ADGRV1: variants seen among roughly 807,000 people sequenced by gnomAD.
ADGRV1 encodes the protein adhesion G protein-coupled receptor V1.
ADGRV1 carries 359 observed loss-of-function variants against 596.2 expected under a neutral mutation model. The ratio of observed to expected loss-of-function variants is 0.60; its 90% CI spans 0.55 to 0.66. ADGRV1 has a LOEUF of 0.66. Among genes scored for constraint, ADGRV1 ranks in the 30% least tolerant of loss-of-function variants. The pLI is 0.00. For missense variants in ADGRV1, 7,274 were observed against 7,575.6 expected, an observed-to-expected ratio of 0.96 and a Z score of 1.48; for synonymous variants, 2,681 against 2,679.2, an observed-to-expected ratio of 1.00 and a Z score of -0.02.
chr5:90,868,090 G>T (rs1021272179), intron 83 of ADGRV1, among the ~76,000 whole-genome samples: 11 of 152,192 alleles, frequency 7.2e-5, no homozygotes, highest in Admixed American at 5.9e-4. Flanking sequence ...TTAAAATTCA[G>T]GTAGTGCATC....
chr5:91,152,735 T>C (rs1262689698), intron 88 of ADGRV1, among the ~76,000 whole-genome samples: 2 of 152,178 alleles, frequency 1.3e-5, no homozygotes, highest in African/African-American at 4.8e-5. Context: ...GGCATGATCA[T>C]AGCCCACTGC....
chr5:91,011,054 T>C (rs1782680562), intron 85 of ADGRV1, among the ~76,000 whole-genome samples: 1 of 151,960 alleles, frequency 6.6e-6, no homozygotes, highest in South Asian at 2.1e-4. Context: ...GTCAATCTAC[T>C]AGCAGTAGTT....
chr5:90,833,194 C>A (rs537047532), intron 77 of ADGRV1, among the ~76,000 whole-genome samples: 392 of 152,224 alleles, frequency 2.6e-3, no homozygotes, highest in African/African-American at 9.0e-3. Context: ...GTAGTATGAA[C>A]ATGTTAACAA....
intron 25 of ADGRV1, among the ~76,000 whole-genome samples, chr5:90,678,057 A>G (rs148997188): frequency 2.6e-3 from 395 of 152,332 alleles, no homozygotes; most frequent in African/African-American, 9.0e-3. Context: ...CTTCTGGATA[A>G]TGTGGGAGCA....
chr5:90,770,252 T>G (rs1757550180), intron 59 of ADGRV1, among the ~76,000 whole-genome samples: 1 of 151,788 alleles, frequency 6.6e-6, no homozygotes. Context: ...TATAAAACCA[T>G]CAAATCTTGT....
intron 65 of ADGRV1, among the ~76,000 whole-genome samples, chr5:90,782,866 C>T (rs1412329760): frequency 6.6e-6 from 1 of 152,020 alleles, no homozygotes; most frequent in African/African-American, 2.4e-5. Context: ...AGGGAGAATG[C>T]CAATGCTACT....
intron 1 of ADGRV1, among the ~76,000 whole-genome samples, chr5:90,574,968 T>C (rs1757009461): frequency 6.6e-6 from 1 of 152,162 alleles, no homozygotes; most frequent in Admixed American, 6.5e-5. Context: ...CTTATTTGGA[T>C]CTTCTCTTTC....
chr5:90,924,427 T>G (rs542097760), intron 83 of ADGRV1, among the ~76,000 whole-genome samples: 1 of 152,200 alleles, frequency 6.6e-6, no homozygotes, highest in East Asian at 1.9e-4. Flanking sequence ...CATAAATGTC[T>G]TCTTTTGAGA....
At chr5:90,971,262 T>G (rs1008522754) in intron 84 of ADGRV1, among the ~76,000 whole-genome samples, 1 of 152,204 alleles carries the variant, frequency 6.6e-6, no homozygotes, top group Non-Finnish European at 1.5e-5. Flanking sequence ...TGGAACCAAG[T>G]TGGAAAACAC....
At chr5:90,573,150 C>T (rs1308040757) in intron 1 of ADGRV1, among the ~76,000 whole-genome samples, 1 of 152,106 alleles carries the variant, frequency 6.6e-6, no homozygotes, top group Non-Finnish European at 1.5e-5. Flanking sequence ...TGGGATGTAG[C>T]TTTTCCTAAG....
intron 9 of ADGRV1, among the ~76,000 whole-genome samples, chr5:90,633,228 G>A (rs1419548870): frequency 6.6e-6 from 1 of 152,068 alleles, no homozygotes; most frequent in South Asian, 2.1e-4. Context: ...TAGGAAATAA[G>A]CCCTGTACAA....
At chr5:90,561,448 A>G (rs932847905) in intron 1 of ADGRV1, among the ~76,000 whole-genome samples, 1 of 152,154 alleles carries the variant, frequency 6.6e-6, no homozygotes, top group African/African-American at 2.4e-5. Context: ...TTGGTTATTA[A>G]TTGTTTGATT....
chr5:91,040,684 A>T (rs1224519658), intron 85 of ADGRV1, among the ~76,000 whole-genome samples: 1 of 152,328 alleles, frequency 6.6e-6, no homozygotes, highest in Non-Finnish European at 1.5e-5. Flanking sequence ...AAAGATGATG[A>T]CAACAAGATA....
chr5:91,090,367 A>G (rs1790280784), intron 86 of ADGRV1, among the ~76,000 whole-genome samples: 1 of 152,158 alleles, frequency 6.6e-6, no homozygotes, highest in Non-Finnish European at 1.5e-5. Flanking sequence ...ATTGAAAATT[A>G]TATATAGCTT....
At chr5:90,972,837 G>A (rs754060011) in intron 84 of ADGRV1, among the ~76,000 whole-genome samples, 14 of 151,898 alleles carry the variant, frequency 9.2e-5, no homozygotes, top group Non-Finnish European at 1.8e-4. Context: ...CAGAAGACAA[G>A]AAATAACTAA....
At chr5:90,793,254 C>A (rs887996504) in intron 70 of ADGRV1, 7 of 152,202 alleles carry the variant, frequency 4.6e-5, no homozygotes, top group Admixed American at 1.3e-4. Context: ...TGTATCAAGT[C>A]TCACTTACAA....
At chr5:90,915,936 A>G (rs1773312151) in intron 83 of ADGRV1, among the ~76,000 whole-genome samples, 1 of 152,130 alleles carries the variant, frequency 6.6e-6, no homozygotes, top group Non-Finnish European at 1.5e-5. Context: ...AAGCCCTTGA[A>G]AGTTTTTGAT....
At chr5:90,651,575 T>A (rs1253922492) in intron 17 of ADGRV1, 29 bp from the exon 18 acceptor site, 1 of 1,408,028 alleles carries the variant, frequency 7.1e-7, no homozygotes, top group East Asian at 2.4e-5. Flanking sequence ...TACTTCTTTG[T>A]TATTTTGTCT....
chr5:90,791,534 G>A, intron 70 of ADGRV1, 188 bp downstream of exon 70: 2 of 557,334 alleles, frequency 3.6e-6, no homozygotes, highest in Non-Finnish European at 6.3e-6. Context: ...ATTACTATTT[G>A]GATGGAGATA....
Sources: allele counts gnomAD v4.1 joint callset (sites outside exome capture counted in the v4.1 genomes callset), GRCh38; gene constraint gnomAD v4.1.1; transcripts MANE v1.5; gene names NCBI Gene and HGNC (gene_info 2026-07-23, HGNC 2026-07-21).